Variants in RAVER1 observed in about 807,000 individuals in gnomAD.
RAVER1 encodes the protein ribonucleoprotein PTB-binding 1.
In RAVER1, 36 loss-of-function variants were observed where a neutral mutation model predicts 68.4. The ratio of observed to expected loss-of-function variants is 0.53; its 90% CI spans 0.40 to 0.70. The LOEUF (loss-of-function observed/expected upper bound fraction) is 0.70. Among genes scored for constraint, RAVER1 ranks in the 30% least tolerant of loss-of-function variants. RAVER1 has a pLI of 0.00. For synonymous variants in RAVER1, 469 were observed against 472.7 expected (o/e 0.99, Z 0.10); for missense variants, 933 against 1,019.8 (o/e 0.91, Z 1.16).
chr19:10,319,495 G>A (rs1256072535), intron 9 of RAVER1, among the ~76,000 whole-genome samples: 1 of 152,256 alleles, frequency 6.6e-6, no homozygotes, highest in Non-Finnish European at 1.5e-5. Context: ...GTTTTCCTGT[G>A]TTGGCGTTAG....
Position 10,317,883 on chromosome 19 carries a change from G to A in RAVER1, c.1990-110C>T. 1.4e-6 allele frequency: 1 copy of A among 706,216 alleles called. No homozygotes were observed. The highest frequency in any genetic ancestry group is 1.6e-5 in the South Asian group (1 of 62,662). The allele number at this position is 706,216 out of a possible 1,614,324, so 43.7% of individuals were successfully genotyped here. A position where few individuals can be genotyped will look rare whatever the true frequency, so the allele number is the denominator to read the frequency against. On this transcript the variant is annotated intron_variant, in intron 11 of 12. Transcript: ENST00000617231. This position sits in a 1 kb window ranked among gnomAD's most constrained non-coding sequence, Gnocchi z 4.3. ...CCCTGAGGGAAAGCGAACAGTTTCAGGTTCAAATCTTGCTTCTGCTACTTT... is the reference window on the plus strand; with the variant it reads ...CCCTGAGGGAAAGCGAACAGTTTCAAGTTCAAATCTTGCTTCTGCTACTTT...
In RAVER1 at chr19:10,317,572, A is replaced by G; in HGVS notation, c.2102T>C (p.Phe701Ser). 1 of 1,611,804 alleles carries G rather than the reference A, an allele frequency of 6.2e-7. No individual in the cohort carries two copies. Among genetic ancestry groups the G allele is most frequent in the East Asian group, 2.2e-5 (1 of 44,852 alleles). ...KTPLGGQKRS[F>S]AHLLPSPEPS... The stretch of plus-strand genomic sequence containing the variant: ...CTCGGGCGAGGGCAGCAGGTGGGCA[A>G]AGCTGCGTTTCTGGCCGCCCAGTGG... Residue 701 changes from phenylalanine to serine, a missense_variant, in exon 13 of 13, where the codon TTT becomes TCT. Transcript: ENST00000617231. The surrounding 1 kb of genome is among the most constrained non-coding windows in gnomAD (Gnocchi z 4.3).
Position 10,329,007 on chromosome 19 carries a change from C to T in RAVER1, c.391G>A (p.Asp131Asn). The change falls in exon 3 of 13, where the codon GAT becomes AAT. Residue 131 changes from aspartate to asparagine, a missense_variant. By Grantham distance (23) the Asp-to-Asn change is conservative. Around this residue, in one of 3 missense-constraint regions of RAVER1, gnomAD observed 211 missense variants for 230.0 expected, o/e 0.92. Coordinates refer to ENST00000617231, the MANE Select transcript of RAVER1 (RefSeq NM_133452.3). This position sits in a 1 kb window ranked among gnomAD's most constrained non-coding sequence, Gnocchi z 4.6. ...AGGTTGGCCACACACAGCAGGGCAT[C>T]CGTGGGCTGCAGCTGCACCGACAGT... ...RELSVQLQPT[D>N]ALLCVANLPP... 1 of 1,578,370 alleles carries T rather than the reference C, an allele frequency of 6.3e-7. No homozygotes were observed. Among genetic ancestry groups the T allele is most frequent in the Non-Finnish European group, 8.6e-7 (1 of 1,159,268 alleles).
At chr19:10,324,870 G>T (rs998649516) in intron 3 of RAVER1, among the ~76,000 whole-genome samples, 3 of 152,168 alleles carry the variant, frequency 2.0e-5, no homozygotes, top group African/African-American at 7.2e-5. Context: ...TTCAACGCCT[G>T]CTACTCATCA....
intron 7 of RAVER1, 111 bp from the exon 8 acceptor site, chr19:10,321,370 TG>T: frequency 1.3e-6 from 1 of 792,202 alleles, no homozygotes; most frequent in Non-Finnish European, 1.7e-6. Context: ...AAATCCATGC[TG>T]GCCACTGAGC....
chr19:10,316,570 G>T lies in RAVER1; in HGVS notation c.*884C>A, dbSNP rs1045384. On this transcript the variant is annotated 3_prime_UTR_variant, in exon 13 of 13. Coordinates refer to ENST00000617231, the MANE Select transcript of RAVER1 (RefSeq NM_133452.3). Reference sequence around the variant, plus strand: ...ATGGGCACAATGTCCGACTCCCACAGACAGACAGCAGGGGACTGGCAGAGA... The same window carrying T: ...ATGGGCACAATGTCCGACTCCCACATACAGACAGCAGGGGACTGGCAGAGA... 0.17 allele frequency: 170,115 copies of T among 986,114 alleles called. 15,374 individuals carry two copies. The highest frequency in any genetic ancestry group is 0.22 in the Middle Eastern group (421 of 1,920). 61.1% of individuals were successfully genotyped at this position (986,114 alleles called of 1,614,324 possible).
At chr19:10,320,987 G>T in intron 8 of RAVER1, 36 bp from the exon 9 acceptor site, 1 of 1,487,156 alleles carries the variant, frequency 6.7e-7, no homozygotes. Flanking sequence ...AGGGCCCCCG[G>T]GAGAGGGAAC....
chr19:10,333,455 C>G lies in RAVER1; in HGVS notation c.53G>C (p.Gly18Ala). ...THRPPLSPKS[G>A]AEVEAGDAAE... Reference sequence around the variant, plus strand: ...GGCATCGCCGGCTTCGACTTCGGCCCCAGACTTAGGGCTCAGCGGGGGCCG... The same window carrying G: ...GGCATCGCCGGCTTCGACTTCGGCCGCAGACTTAGGGCTCAGCGGGGGCCG... Residue 18 changes from glycine (G) to alanine (A), a missense_variant, in exon 1 of 13, where the codon GGG becomes GCG. By Grantham distance (60) the Gly-to-Ala change is moderately conservative. Transcript: ENST00000617231. The surrounding 1 kb of genome is among the most constrained non-coding windows in gnomAD (Gnocchi z 4.2). 1 of 1,612,482 alleles carries G rather than the reference C, an allele frequency of 6.2e-7. No homozygotes were observed. The highest frequency in any genetic ancestry group is 8.5e-7 in the Non-Finnish European group (1 of 1,179,754).
At chr19:10,330,310 A>T (rs902942856) in intron 2 of RAVER1, 150 bp downstream of exon 2, 24 of 577,396 alleles carry the variant, frequency 4.2e-5, no homozygotes, top group Admixed American at 8.9e-5. Flanking sequence ...TCCCAAGATG[A>T]CAGGATGACA....
At position 10,321,630 on chromosome 19, in the gene RAVER1, G is replaced by A. The variant is rs2040438861; in HGVS notation, c.1174-12C>T. 2 of 1,413,288 alleles carry A rather than the reference G, an allele frequency of 1.4e-6. No homozygotes were observed. Among genetic ancestry groups the A allele is most frequent in the South Asian group, 1.8e-5 (1 of 56,148 alleles). The allele number at this position is 1,413,288 out of a possible 1,614,324, so 87.5% of individuals were successfully genotyped here. ...AGGATGCCGGGCTTCTAGGGACAGA[G>A]CACAGACAGTTGCAGATGGGGGCAG... On this transcript the variant is annotated splice_polypyrimidine_tract_variant and intron_variant, in intron 6 of 12. Transcript: ENST00000617231.
rs2040535992 is a variant in RAVER1 at position 10,333,168 on chromosome 19, C to A, written c.219+121G>T. On this transcript the variant is annotated intron_variant, in intron 1 of 12. Transcript: ENST00000617231. The surrounding 1 kb of genome is among the most constrained non-coding windows in gnomAD (Gnocchi z 4.2). ...GGTCTCTCCCGATCCCGCGTGGATC[C>A]GGTGCTTGGGCGCCCCCGCCAACGA... 3 of 968,160 alleles carry A rather than the reference C, an allele frequency of 3.1e-6. No individual in the cohort carries two copies. The highest frequency in any genetic ancestry group is 3.4e-5 in the South Asian group (2 of 59,278). 60.0% of individuals were successfully genotyped at this position (968,160 alleles called of 1,614,324 possible).
Position 10,322,357 on chromosome 19 carries a change from G to A in RAVER1, c.1173+288C>T. On this transcript the variant is annotated intron_variant, in intron 6 of 12. Coordinates refer to ENST00000617231, the MANE Select transcript of RAVER1 (RefSeq NM_133452.3). This position sits in a 1 kb window ranked among gnomAD's most constrained non-coding sequence, Gnocchi z 4.3. The stretch of plus-strand genomic sequence containing the variant: ...CAGCGGCGCTCCCAGCCCACACCCA[G>A]TTTCAGGCTGTAAATGGGCGTGTCC... The A allele has an allele frequency of 2.4e-6, 1 of 422,494 alleles. No individual in the cohort carries two copies. The highest frequency in any genetic ancestry group is 3.9e-5 in the South Asian group (1 of 25,908). The allele number at this position is 422,494 out of a possible 1,614,324, so 26.2% of individuals were successfully genotyped here.
chr19:10,319,333 A>G, intron 9 of RAVER1, 93 bp from the exon 10 acceptor site: 1 of 1,277,320 alleles, frequency 7.8e-7, no homozygotes, highest in Non-Finnish European at 1.1e-6. Flanking sequence ...CAGGGAAGAC[A>G]GTCCCCACCA....
chr19:10,326,446 G>T (rs1442374198), intron 3 of RAVER1, among the ~76,000 whole-genome samples: 3 of 150,930 alleles, frequency 2.0e-5, no homozygotes, highest in Admixed American at 1.3e-4. Context: ...CTCAGTTTTT[G>T]TTTTTTTTGT....
At chr19:10,326,765 T>G (rs1487103020) in intron 3 of RAVER1, among the ~76,000 whole-genome samples, 4 of 150,348 alleles carry the variant, frequency 2.7e-5, no homozygotes, top group African/African-American at 4.9e-5. Context: ...GTTTTTTTTT[T>G]TTTTTTTTTT....
rs1276020399 is a variant in RAVER1 at position 10,328,372 on chromosome 19, A to G, written c.756+270T>C. ...TCAAGACTATCCTGGCCAACATGGC[A>G]AAACCCCATCTCTACTAAAAATATA... On this transcript the variant is annotated intron_variant, in intron 3 of 12. Coordinates refer to ENST00000617231, the MANE Select transcript of RAVER1 (RefSeq NM_133452.3). The surrounding 1 kb of genome is among the most constrained non-coding windows in gnomAD (Gnocchi z 4.4). Among the ~76,000 whole-genome samples the G allele has an allele frequency of 6.6e-6, 1 of 152,096 alleles. No homozygotes were observed. The highest frequency in any genetic ancestry group is 1.5e-5 in the Non-Finnish European group (1 of 68,016).
In RAVER1 at chr19:10,317,503, A is replaced by G. The variant is rs978987734; in HGVS notation, c.2171T>C (p.Leu724Pro). ...GTAGGAGTCCGCGTAGTGGCCGCCG[A>G]GGCCCTGGGAGTGCTGGCCCACATA... Reference protein sequence around the residue: ...GSYVGQHSQGLGGHYADSYLK... With the variant: ...GSYVGQHSQGPGGHYADSYLK... The change falls in exon 13 of 13, where the codon CTC becomes CCC. Residue 724 changes from leucine (L) to proline (P), a missense_variant. This residue lies in a region of RAVER1 where 699 missense variants were observed against 731.1 expected (regional missense o/e 0.96). Coordinates refer to ENST00000617231, the MANE Select transcript of RAVER1 (RefSeq NM_133452.3). This position sits in a 1 kb window ranked among gnomAD's most constrained non-coding sequence, Gnocchi z 4.3. 1 of 1,613,594 alleles carries G rather than the reference A, an allele frequency of 6.2e-7. No homozygotes were observed. Among genetic ancestry groups the G allele is most frequent in the African/African-American group, 1.3e-5 (1 of 75,056 alleles).
intron 9 of RAVER1, 91 bp downstream of exon 9, chr19:10,320,564 G>C: frequency 4.4e-6 from 5 of 1,129,396 alleles, no homozygotes; most frequent in Non-Finnish European, 6.1e-6. Context: ...CGCCTCCCTA[G>C]CACATGGCCT....
chr19:10,325,451 G>A (rs187197264), intron 3 of RAVER1, among the ~76,000 whole-genome samples: 9 of 151,926 alleles, frequency 5.9e-5, no homozygotes, highest in South Asian at 4.2e-4. Flanking sequence ...GGATGGCCTC[G>A]ATCTCCAGAC....
Sources: allele counts gnomAD v4.1 joint callset (sites outside exome capture counted in the v4.1 genomes callset), GRCh38; gene constraint gnomAD v4.1.1; regional missense constraint gnomAD v4.1.1; non-coding constraint Gnocchi (gnomAD v3.1); transcripts MANE v1.5; gene names NCBI Gene and HGNC (gene_info 2026-07-23, HGNC 2026-07-21).